The following KLHL4 variants were observed in gnomAD, a reference collection of about 807,000 sequenced individuals.
KLHL4 encodes kelch like family member 4.
In KLHL4, 17 loss-of-function variants were observed where a neutral mutation model predicts 45.8. That is an observed-to-expected ratio of 0.37 (90% CI 0.25 to 0.56). KLHL4 has a LOEUF of 0.56. Ranked by LOEUF, KLHL4 falls within the 20% of genes least tolerant of loss-of-function variation. KLHL4 has a pLI of 0.79. For synonymous variants in KLHL4, 224 were observed against 189.9 expected, an observed-to-expected ratio of 1.18 and a Z score of -1.47; for missense variants, 544 against 544.9, an observed-to-expected ratio of 1.00 and a Z score of 0.02.
chrX:87,623,001 T>C (rs1366406326), intron 5 of KLHL4, among the ~76,000 whole-genome samples: 2 of 111,946 alleles, frequency 1.8e-5, no homozygotes, highest in Non-Finnish European at 3.8e-5. Context: ...GAATGCAGTC[T>C]CACCACATAA....
rs750986177 is a variant in KLHL4, at chrX:87,553,585, A to T, written c.422+35270A>T. Among the ~76,000 whole-genome samples, 3 of 110,587 alleles carry T rather than the reference A, an allele frequency of 2.7e-5. No homozygotes were observed. The East Asian group carries it at 8.6e-4, about 32-fold the overall frequency. The stretch of plus-strand genomic sequence containing the variant: ...TTAATTCTAATATCACTTTCTCATT[A>T]ACAGTGGTCTCTACAGCGGTTAAAA... On this transcript the variant is annotated intron_variant, in intron 1 of 10. Transcript: ENST00000373119.
intron 9 of KLHL4, among the ~76,000 whole-genome samples, chrX:87,653,100 A>G (rs934053457): frequency 7.2e-5 from 8 of 111,831 alleles, no homozygotes; most frequent in Non-Finnish European, 1.5e-4. Context: ...TGATTCAATT[A>G]TCTCCTACTG....
At chrX:87,572,904 T>G (rs1337742178) in intron 1 of KLHL4, among the ~76,000 whole-genome samples, 1 of 110,955 alleles carries the variant, frequency 9.0e-6, no homozygotes, top group Non-Finnish European at 1.9e-5. Context: ...AGAATTGGTT[T>G]GCTGACTCAT....
At chrX:87,582,198 C>T (rs1428964311) in intron 1 of KLHL4, among the ~76,000 whole-genome samples, 1 of 111,689 alleles carries the variant, frequency 9.0e-6, no homozygotes. Context: ...TAAGTATCTA[C>T]ATAGAAAAAA....
intron 9 of KLHL4, among the ~76,000 whole-genome samples, chrX:87,644,315 AT>A (rs1246161163): frequency 1.8e-5 from 2 of 111,466 alleles, no homozygotes; most frequent in African/African-American, 3.3e-5. Flanking sequence ...CTGCAAAAAA[AT>A]AAAATAAAAT....
chrX:87,552,232 G>T (rs766237647), intron 1 of KLHL4, among the ~76,000 whole-genome samples: 2 of 110,338 alleles, frequency 1.8e-5, no homozygotes, highest in East Asian at 5.7e-4. Context: ...GTGGGCTAAG[G>T]ACATGAATAG....
chrX:87,656,194 G>A (rs1306733655), intron 9 of KLHL4, among the ~76,000 whole-genome samples: 3 of 110,627 alleles, frequency 2.7e-5, no homozygotes, highest in Non-Finnish European at 5.7e-5. Context: ...TTTCTCTGGA[G>A]TTTTTTGAGT....
Position 87,669,255 on chromosome X carries a change from C to T in KLHL4, c.*2721C>T. The T allele has an allele frequency of 8.5e-7, 1 of 1,181,930 alleles. No individual in the cohort carries two copies. Among genetic ancestry groups the T allele is most frequent in the Non-Finnish European group, 1.1e-6 (1 of 880,652 alleles). Reference sequence around the variant, plus strand: ...AATCACTATGACCGTGTTCACGATTCCCTACTCTGCAACTCTCAGCATGCA... The same window carrying T: ...AATCACTATGACCGTGTTCACGATTTCCTACTCTGCAACTCTCAGCATGCA... On this transcript the variant is annotated 3_prime_UTR_variant, in exon 11 of 11. Coordinates refer to ENST00000373119, the MANE Select transcript of KLHL4 (RefSeq NM_019117.5).
chrX:87,551,157 C>T (rs1185649548), intron 1 of KLHL4, among the ~76,000 whole-genome samples: 1 of 111,115 alleles, frequency 9.0e-6, no homozygotes, highest in Non-Finnish European at 1.9e-5. Flanking sequence ...AATAATTCAA[C>T]AAAGTTTCCA....
At chrX:87,620,155 C>T (rs1259659772) in intron 4 of KLHL4, among the ~76,000 whole-genome samples, 1 of 111,438 alleles carries the variant, frequency 9.0e-6, no homozygotes, top group Non-Finnish European at 1.9e-5. Flanking sequence ...AAGCATTTAT[C>T]AAATATGTGA....
chrX:87,641,890 C>T lies in KLHL4; in HGVS notation c.1925+6115C>T, dbSNP rs186491667. 2.2e-3 allele frequency among the ~76,000 whole-genome samples: 238 copies of T among 110,388 alleles called. 2 individuals are homozygous for T. Among genetic ancestry groups the T allele is most frequent in the African/African-American group, 7.4e-3 (226 of 30,365 alleles). ...CTCCCACAGCAGCTGCAGCAAGACC[C>T]ACCCAAGGAATGTCTGAGCTCAGAC... On this transcript the variant is annotated intron_variant, in intron 9 of 10. Transcript: ENST00000373119.
chrX:87,562,130 A>C (rs1932112578), intron 1 of KLHL4, among the ~76,000 whole-genome samples: 2 of 108,708 alleles, frequency 1.8e-5, no homozygotes, highest in Admixed American at 2.0e-4. Flanking sequence ...GGGAAGAAAA[A>C]AGGGACTTTT....
At chrX:87,524,501 A>G (rs768189917) in intron 1 of KLHL4, among the ~76,000 whole-genome samples, 1 of 111,478 alleles carries the variant, frequency 9.0e-6, no homozygotes, top group Admixed American at 9.6e-5. Context: ...CCCCATCCCC[A>G]TCATTCCAAT....
chrX:87,595,275 G>A (rs760392557), intron 1 of KLHL4, among the ~76,000 whole-genome samples: 17 of 110,820 alleles, frequency 1.5e-4, no homozygotes, highest in East Asian at 8.5e-4. Context: ...CCGTTTCCAC[G>A]GTAAGAAAGT....
rs769035300 is a variant in KLHL4 at position 87,666,699 on chromosome X, C to T, written c.*165C>T. The T allele has an allele frequency of 1.3e-4, 127 of 969,633 alleles. No homozygotes were observed. Among genetic ancestry groups the T allele is most frequent in the Non-Finnish European group, 1.6e-4 (123 of 772,888 alleles). The allele number at this position is 969,633 out of a possible 1,213,427, so 79.9% of individuals were successfully genotyped here. A position where few individuals can be genotyped will look rare whatever the true frequency, so the allele number is the denominator to read the frequency against. ...TTACAATTGCTTTCATTCGTGAAGC[C>T]GAAACGTTTTTAAACATGAATTACA... On this transcript the variant is annotated 3_prime_UTR_variant, in exon 11 of 11. Transcript: ENST00000373119.
At chrX:87,556,678 AAAAACAAAACAAAAC>A (rs58655413) in intron 1 of KLHL4, among the ~76,000 whole-genome samples, 1,203 of 102,753 alleles carry the variant, frequency 0.012, 22 homozygotes, top group African/African-American at 0.039. Flanking sequence ...GTATAATAAT[AAAAACAAAACAAAAC>A]AAAACAAAAC....
chrX:87,558,268 C>G (rs948964682), intron 1 of KLHL4, among the ~76,000 whole-genome samples: 1 of 111,192 alleles, frequency 9.0e-6, no homozygotes, highest in Non-Finnish European at 1.9e-5. Context: ...TGTTTAACCT[C>G]TTTAAGCCTC....
rs1269057452 is a variant in KLHL4 at position 87,613,962 on chromosome X, C to T, written c.508C>T (p.Arg170Cys). Residue 170 changes from arginine to cysteine, a missense_variant, in exon 2 of 11, where the codon CGT becomes TGT. Arg to Cys is a radical substitution (Grantham distance 180). Transcript: ENST00000373119. ...TATAAACCACGCAGAGCAAACTCTT[C>T]GTAAAATGGAGAACTACTTGAAAGA... ...HVINHAEQTLRKMENYLKEKQ... is the reference protein window; with the variant it reads ...HVINHAEQTLCKMENYLKEKQ... 1 of 1,206,664 alleles carries T rather than the reference C, an allele frequency of 8.3e-7. No individual in the cohort carries two copies. Among genetic ancestry groups the T allele is most frequent in the Non-Finnish European group, 1.1e-6 (1 of 891,990 alleles).
intron 9 of KLHL4, among the ~76,000 whole-genome samples, chrX:87,662,974 C>G (rs1266052898): frequency 9.5e-6 from 1 of 105,268 alleles, no homozygotes; most frequent in South Asian, 4.2e-4. Flanking sequence ...CCACCCTCTA[C>G]GGAATCAGAT....
Sources: gnomAD v4.1 joint callset for allele counts (sites outside exome capture counted in the v4.1 genomes callset) on GRCh38, gnomAD v4.1.1 for gene constraint, MANE v1.5 for transcripts, NCBI Gene and HGNC (gene_info 2026-07-23, HGNC 2026-07-21) for gene names.